Variants in TUT7 observed in about 807,000 individuals in gnomAD.
TUT7 encodes the protein terminal uridylyl transferase 7.
In TUT7, 33 loss-of-function variants were observed where a neutral mutation model predicts 165.9. The ratio of observed to expected loss-of-function variants is 0.20; its 90% CI spans 0.15 to 0.27. The LOEUF (loss-of-function observed/expected upper bound fraction) is 0.27. TUT7 is among the 10% of genes least tolerant of loss of function. The pLI, the probability that TUT7 is intolerant of heterozygous loss-of-function variation, is 1.00. For missense variants in TUT7, 1,338 were observed against 1,762.3 expected (o/e 0.76, Z 4.31); for synonymous variants, 552 against 608.1 (o/e 0.91, Z 1.36).
chr9:86,310,868 T>A, intron 17 of TUT7, 59 bp from the exon 18 acceptor site: 1 of 959,924 alleles, frequency 1.0e-6, no homozygotes, highest in South Asian at 1.3e-5. Context: ...TAAGTAACTC[T>A]TATGTTAATG....
chr9:86,296,590 T>C (rs1188718034), intron 26 of TUT7, among the ~76,000 whole-genome samples: 1 of 152,228 alleles, frequency 6.6e-6, no homozygotes, highest in Non-Finnish European at 1.5e-5. Flanking sequence ...ACTGAGTGCC[T>C]ACTCTGGGCA....
rs1272213869 is a variant in TUT7 at position 86,352,936 on chromosome 9, A to C, written c.264T>G (p.Ala88=). 3 of 1,614,188 alleles carry C rather than the reference A, an allele frequency of 1.9e-6. No homozygotes were observed. Among genetic ancestry groups the C allele is most frequent in the Non-Finnish European group, 2.5e-6 (3 of 1,180,032 alleles). Residue 88 remains alanine (A), a synonymous_variant, in exon 2 of 27, where the codon GCT becomes GCG. Transcript: ENST00000375963. ...GATCTTTGTGGCTGTCATTCATCCA[A>C]GCGGGTTGACTGTAGATTGGGTTTT... ...AFKNPIYSQP[A]WMNDSHKDQS... is the part of the protein sequence containing the mutation.
intron 18 of TUT7, 36 bp downstream of exon 18, chr9:86,310,669 TA>T (rs772228488): frequency 8.4e-7 from 1 of 1,186,894 alleles, no homozygotes; most frequent in Non-Finnish European, 1.3e-6. Flanking sequence ...TTTGTTCCCT[TA>T]ACCTCTCTAA....
At chr9:86,343,249 A>G in intron 5 of TUT7, 86 bp from the exon 6 acceptor site, 2 of 819,174 alleles carry the variant, frequency 2.4e-6, no homozygotes, top group Non-Finnish European at 3.5e-6. Context: ...TCAGAAGCAG[A>G]ACCATCAATT....
rs1564108552 is a variant in TUT7, at chr9:86,353,146, A to G, written c.54T>C (p.Thr18=). 2.5e-6 allele frequency: 4 copies of G among 1,609,604 alleles called. No individual in the cohort carries two copies. Among genetic ancestry groups the G allele is most frequent in the Non-Finnish European group, 3.4e-6 (4 of 1,178,896 alleles). ...CCCTTCTGAAGTCATCATCATCCATAGTCCCCCGGTCTTTAGTGCGCTTCA... is the reference window on the plus strand; with the variant it reads ...CCCTTCTGAAGTCATCATCATCCATGGTCCCCCGGTCTTTAGTGCGCTTCA... ...YFVKRTKDRG[T]MDDDDFRRGH... Residue 18 remains threonine (T), a synonymous_variant, in exon 2 of 27, where the codon ACT becomes ACC. Coordinates refer to ENST00000375963, the MANE Select transcript of TUT7 (RefSeq NM_024617.4).
At chr9:86,299,848 C>T (rs1412775031) in intron 26 of TUT7, among the ~76,000 whole-genome samples, 1 of 152,168 alleles carries the variant, frequency 6.6e-6, no homozygotes, top group East Asian at 1.9e-4. Context: ...GTAATCAACA[C>T]AGGCCTCGAG....
At position 86,349,907 on chromosome 9, in the gene TUT7, T is replaced by TA. The variant is rs1742428977; in HGVS notation, c.520+2772dup. 5.9e-5 allele frequency among the ~76,000 whole-genome samples: 9 copies of TA among 152,334 alleles called. 1 individual carries two copies. In the South Asian group the frequency reaches 1.9e-3, roughly 32 times the overall value. On this transcript the variant is annotated intron_variant, in intron 2 of 26. Transcript: ENST00000375963. ...AATGCATTTCCTATTCAAATACACT[T>TA]AAAAGCAACTTCTTTAGTTGCTTTT... is the stretch of plus-strand genomic sequence containing the variant.
chr9:86,304,008 G>A (rs1827212082), intron 24 of TUT7, among the ~76,000 whole-genome samples: 3 of 151,538 alleles, frequency 2.0e-5, no homozygotes, highest in Admixed American at 2.0e-4. Flanking sequence ...CTGGTCAAAG[G>A]GTACAAAGTT....
intron 5 of TUT7, 170 bp downstream of exon 5, chr9:86,344,807 G>T: frequency 1.6e-6 from 1 of 618,354 alleles, no homozygotes; most frequent in Non-Finnish European, 2.7e-6. Context: ...GCATATGAAA[G>T]TCCTTGTTAC....
chr9:86,318,306 G>C (rs1355404595), intron 16 of TUT7, among the ~76,000 whole-genome samples: 3 of 152,148 alleles, frequency 2.0e-5, no homozygotes, highest in Non-Finnish European at 2.9e-5. Context: ...ACTAAACTCT[G>C]TACTTAAGAG....
chr9:86,352,448 G>A, intron 2 of TUT7: 1 of 598,030 alleles, frequency 1.7e-6, no homozygotes, highest in East Asian at 2.8e-5. Flanking sequence ...GACGTAAAGT[G>A]AGCCCTGGGG....
chr9:86,293,316 G>GTCTCAC (rs1564019002), intron 26 of TUT7, among the ~76,000 whole-genome samples: 2 of 152,060 alleles, frequency 1.3e-5, no homozygotes, highest in African/African-American at 4.8e-5. Context: ...GCTGAGTGTG[G>GTCTCAC]TCTCACTAGC....
intron 17 of TUT7, among the ~76,000 whole-genome samples, chr9:86,312,151 C>A (rs1346575321): frequency 2.0e-5 from 3 of 152,006 alleles, no homozygotes; most frequent in African/African-American, 7.2e-5. Context: ...CTCTGCCCGG[C>A]CACCATCCCA....
chr9:86,353,670 G>A (rs1451049455), intron 1 of TUT7, among the ~76,000 whole-genome samples: 1 of 152,086 alleles, frequency 6.6e-6, no homozygotes, highest in Non-Finnish European at 1.5e-5. Flanking sequence ...GTTATACACC[G>A]AAACTTTACG....
At chr9:86,309,897 C>T (rs760537451) in intron 19 of TUT7, 31 bp downstream of exon 19, 1 of 1,574,566 alleles carries the variant, frequency 6.4e-7, no homozygotes, top group Admixed American at 1.7e-5. Flanking sequence ...AATGAAATTT[C>T]CTGATAAGTC....
intron 26 of TUT7, among the ~76,000 whole-genome samples, chr9:86,296,778 A>G (rs1426127479): frequency 6.6e-6 from 1 of 152,224 alleles, no homozygotes; most frequent in Non-Finnish European, 1.5e-5. Context: ...GGCCAAAGAC[A>G]TACTTAATAC....
chr9:86,352,845 C>T lies in TUT7; in HGVS notation c.355G>A (p.Gly119Arg), dbSNP rs749897372. 24 of 1,614,162 alleles carry T rather than the reference C, an allele frequency of 1.5e-5. No individual in the cohort carries two copies. The highest frequency in any genetic ancestry group is 2.0e-5 in the Non-Finnish European group (24 of 1,180,034). The change falls in exon 2 of 27, where the codon GGA becomes AGA. Residue 119 changes from glycine (G) to arginine (R), a missense_variant. Around this residue, in one of 7 missense-constraint regions of TUT7, gnomAD observed 434 missense variants for 480.8 expected, o/e 0.90. Coordinates refer to ENST00000375963, the MANE Select transcript of TUT7 (RefSeq NM_024617.4). Reference sequence around the variant, plus strand: ...CGGTTTATAACAGGAATTCTAGGTCCAGGTTTGAATTCTCTCCAGTTGTCT... The same window carrying T: ...CGGTTTATAACAGGAATTCTAGGTCTAGGTTTGAATTCTCTCCAGTTGTCT... ...NSDNWREFKPGPRIPVINRQR... is the reference protein window; with the variant it reads ...NSDNWREFKPRPRIPVINRQR...
chr9:86,346,631 G>A, intron 2 of TUT7, 151 bp from the exon 3 acceptor site: 1 of 730,962 alleles, frequency 1.4e-6, no homozygotes, highest in South Asian at 1.9e-5. Flanking sequence ...TGGACAAAAT[G>A]CTTTAATACT....
At chr9:86,329,017 G>GAAAATT (rs1409807737) in intron 10 of TUT7, among the ~76,000 whole-genome samples, 1 of 152,128 alleles carries the variant, frequency 6.6e-6, no homozygotes, top group African/African-American at 2.4e-5. Context: ...GCTAGAAAAT[G>GAAAATT]AAAATTACAA....
Sources: gnomAD v4.1 joint callset for allele counts (sites outside exome capture counted in the v4.1 genomes callset) on GRCh38, gnomAD v4.1.1 for gene constraint, gnomAD v4.1.1 regional missense constraint, MANE v1.5 for transcripts, NCBI Gene and HGNC (gene_info 2026-07-23, HGNC 2026-07-21) for gene names.